PKNOX2: variants seen among roughly 807,000 people sequenced by gnomAD.
The protein encoded by PKNOX2 is homeobox protein PKNOX2.
Under a neutral mutation model 53.1 loss-of-function variants are expected in PKNOX2, and 14 were observed. The ratio of observed to expected loss-of-function variants is 0.26; its 90% CI spans 0.17 to 0.41. The LOEUF is 0.41. PKNOX2 is among the 10% of genes least tolerant of loss of function. The pLI, the probability that PKNOX2 is intolerant of heterozygous loss-of-function variation, is 1.00. For missense variants in PKNOX2, 496 were observed against 602.8 expected (o/e 0.82, Z 1.85); for synonymous variants, 257 against 242.8 (o/e 1.06, Z -0.54).
At chr11:125,285,181 G>T (rs931208553) in intron 2 of PKNOX2, among the ~76,000 whole-genome samples, 5 of 152,086 alleles carry the variant, frequency 3.3e-5, no homozygotes, top group Non-Finnish European at 5.9e-5. Flanking sequence ...GGCTAGGGGG[G>T]TGATTTGTCC....
intron 2 of PKNOX2, among the ~76,000 whole-genome samples, chr11:125,314,703 C>T (rs896652890): frequency 1.3e-5 from 2 of 152,130 alleles, no homozygotes; most frequent in African/African-American, 4.8e-5. Context: ...CAGAAACTCT[C>T]ACCTTGCCTA....
intron 2 of PKNOX2, among the ~76,000 whole-genome samples, chr11:125,242,276 C>T (rs961893348): frequency 6.6e-6 from 1 of 152,182 alleles, no homozygotes; most frequent in Non-Finnish European, 1.5e-5. Context: ...ACGGGGCCCA[C>T]TGGGGAACCC....
chr11:125,381,602 G>A (rs1416817446), intron 5 of PKNOX2, among the ~76,000 whole-genome samples: 1 of 152,076 alleles, frequency 6.6e-6, no homozygotes, highest in Non-Finnish European at 1.5e-5. Context: ...CCCTGGCTGT[G>A]GTTCTGCAGA....
At chr11:125,230,532 C>T (rs944522645) in intron 1 of PKNOX2, among the ~76,000 whole-genome samples, 3 of 152,176 alleles carry the variant, frequency 2.0e-5, no homozygotes, top group Admixed American at 1.3e-4. Context: ...TTTTGTTTCT[C>T]TTCTGGAAGG....
At chr11:125,229,686 G>T (rs1004748055) in intron 1 of PKNOX2, among the ~76,000 whole-genome samples, 3 of 152,228 alleles carry the variant, frequency 2.0e-5, no homozygotes, top group African/African-American at 7.2e-5. Flanking sequence ...ATGACAATGG[G>T]ATGGGTAGAA....
intron 3 of PKNOX2, among the ~76,000 whole-genome samples, chr11:125,339,191 C>T (rs530869609): frequency 1.1e-4 from 17 of 152,320 alleles, no homozygotes; most frequent in Non-Finnish European, 2.2e-4. Context: ...GCTCCGTCCT[C>T]GCACTTCTGT....
chr11:125,300,392 T>A (rs1947964204), intron 2 of PKNOX2, among the ~76,000 whole-genome samples: 1 of 152,240 alleles, frequency 6.6e-6, no homozygotes, highest in African/African-American at 2.4e-5. Context: ...GGGATATTAG[T>A]ATCCCCATTT....
intron 2 of PKNOX2, among the ~76,000 whole-genome samples, chr11:125,247,355 T>C (rs1442777675): frequency 1.3e-5 from 2 of 152,184 alleles, no homozygotes; most frequent in Admixed American, 6.5e-5. Flanking sequence ...CAGTGCCCAC[T>C]GAACATCCTC....
chr11:125,342,342 C>T (rs995467000), intron 3 of PKNOX2, among the ~76,000 whole-genome samples: 1 of 152,080 alleles, frequency 6.6e-6, no homozygotes, highest in Non-Finnish European at 1.5e-5. Flanking sequence ...CAGGGTCCCT[C>T]GCCTCCATGC....
intron 1 of PKNOX2, among the ~76,000 whole-genome samples, chr11:125,226,202 C>T (rs1941676235): frequency 6.6e-6 from 1 of 152,148 alleles, no homozygotes; most frequent in Non-Finnish European, 1.5e-5. Context: ...TTATTTGACC[C>T]CTCCAAAGAT....
At chr11:125,193,122 T>C (rs1382582774) in intron 1 of PKNOX2, among the ~76,000 whole-genome samples, 2 of 152,224 alleles carry the variant, frequency 1.3e-5, no homozygotes, top group Non-Finnish European at 2.9e-5. Flanking sequence ...TCAGAAGGCA[T>C]TTATAGCTTT....
intron 2 of PKNOX2, among the ~76,000 whole-genome samples, chr11:125,273,348 G>A (rs1428421640): frequency 1.3e-5 from 2 of 152,194 alleles, no homozygotes; most frequent in Non-Finnish European, 2.9e-5. Context: ...CAAGAAAAGG[G>A]GAGAATGCAA....
chr11:125,176,768 G>A (rs577382223), intron 1 of PKNOX2, among the ~76,000 whole-genome samples: 1 of 152,318 alleles, frequency 6.6e-6, no homozygotes, highest in South Asian at 2.1e-4. Flanking sequence ...GACTGAACAA[G>A]GTGAGAGGAA....
In PKNOX2 at chr11:125,374,466, G is replaced by C. The variant is rs1952724786; in HGVS notation, c.227+6481G>C. On this transcript the variant is annotated intron_variant, in intron 5 of 12. Transcript: ENST00000298282. ...TATAGTCAGGGGGGTGATCCTGCTG[G>C]AGCTATAATCTGAAAAGTGAAACCA... Among the ~76,000 whole-genome samples, 2 of 152,186 alleles carry C rather than the reference G, an allele frequency of 1.3e-5. 1 individual carries two copies. The highest frequency in any genetic ancestry group is 2.9e-5 in the Non-Finnish European group (2 of 68,034).
chr11:125,358,023 T>C lies in PKNOX2; in HGVS notation c.87+6631T>C, dbSNP rs190610789. On this transcript the variant is annotated intron_variant, in intron 4 of 12. Coordinates refer to ENST00000298282, the MANE Select transcript of PKNOX2 (RefSeq NM_001382323.2). ...TGTGGGGCCTTAGTTTCTGCATTCA[T>C]AAAATGAGAATAACTCTGCCCTCCC... Among the ~76,000 whole-genome samples, 3 of 152,228 alleles carry C rather than the reference T, an allele frequency of 2.0e-5. No homozygotes were observed. The East Asian group carries it at 5.8e-4, about 29-fold the overall frequency.
At chr11:125,324,343 A>G (rs989690384) in intron 2 of PKNOX2, among the ~76,000 whole-genome samples, 1 of 152,226 alleles carries the variant, frequency 6.6e-6, no homozygotes, top group Non-Finnish European at 1.5e-5. Context: ...AAATTGGATA[A>G]TATGGTTCTT....
intron 1 of PKNOX2, among the ~76,000 whole-genome samples, chr11:125,221,747 T>A (rs990595368): frequency 1.2e-4 from 19 of 152,208 alleles, no homozygotes; most frequent in African/African-American, 4.6e-4. Context: ...AGTAGGTTTT[T>A]TTTTTAAATG....
At chr11:125,411,980 G>C in intron 10 of PKNOX2, 115 bp downstream of exon 10, 1 of 1,496,628 alleles carries the variant, frequency 6.7e-7, no homozygotes. Flanking sequence ...GCGCGGCCTC[G>C]GGGAGAGCTC....
chr11:125,415,234 CTTTTT>C (rs35920181), intron 10 of PKNOX2, among the ~76,000 whole-genome samples: 14 of 77,578 alleles, frequency 1.8e-4, no homozygotes, highest in Admixed American at 8.4e-4. Flanking sequence ...TAAAGTTTAG[CTTTTT>C]TTTTTTTTTT....
Sources: allele counts gnomAD v4.1 joint callset (sites outside exome capture counted in the v4.1 genomes callset), GRCh38; gene constraint gnomAD v4.1.1; transcripts MANE v1.5; gene names NCBI Gene and HGNC (gene_info 2026-07-23, HGNC 2026-07-21).